Variants in KCNC4 observed in about 807,000 individuals in gnomAD.
KCNC4 encodes potassium voltage-gated channel subfamily C member 4, also known as voltage-gated potassium channel KCNC4.
Under a neutral mutation model 42.8 loss-of-function variants are expected in KCNC4, and 23 were observed. That is an observed-to-expected ratio of 0.54 (90% confidence interval 0.39 to 0.76). KCNC4 has a LOEUF of 0.76. KCNC4 is among the 30% of genes least tolerant of loss of function. KCNC4 has a pLI of 0.00. For synonymous variants in KCNC4, 422 were observed against 393.5 expected (o/e 1.07, Z -0.86); for missense variants, 751 against 898.2 (o/e 0.84, Z 2.10).
In KCNC4 at chr1:110,223,778, G is replaced by A. The variant is rs376704379; in HGVS notation, c.1493G>A (p.Arg498Gln). The change falls in exon 2 of 4, where the codon CGG becomes CAG. Residue 498 changes from arginine (R) to glutamine (Q), a missense_variant. Arg to Gln is a conservative substitution (Grantham distance 43). This residue lies in a region of KCNC4 where 202 missense variants were observed against 181.5 expected (regional missense o/e 1.11). Transcript: ENST00000438661. This position sits in a 1 kb window ranked among gnomAD's most constrained non-coding sequence, Gnocchi z 7.5. The stretch of plus-strand genomic sequence containing the variant: ...AAGAAACGGAAGAAGCACGTGCCAC[G>A]GCCGGCGCAGCTGGAGTCACCCATG... ...LPKKRKKHVP[R>Q]PAQLESPMYC... is the part of the protein sequence containing the mutation. The A allele has an allele frequency of 4.2e-5, 68 of 1,614,012 alleles. No homozygotes were observed. In the African/African-American group the frequency reaches 6.3e-4, roughly 15 times the overall value.
rs183878349 is a variant in KCNC4, at chr1:110,263,646, T to C, written n.31-18888T>C. ...GTGGCCCTTACATAAAGGACTCCAG[T>C]TTAGAGGGTACATTTCATATGGGAG... On this transcript the variant is annotated intron_variant and non_coding_transcript_variant, in intron 1 of 2. Coordinates refer to the KCNC4 transcript ENST00000412512. 2.0e-5 allele frequency among the ~76,000 whole-genome samples: 3 copies of C among 152,152 alleles called. No individual in the cohort carries two copies. In the East Asian group the frequency reaches 5.8e-4, roughly 29 times the overall value.
chr1:110,214,980 G>C lies in KCNC4; in HGVS notation c.678+2803G>C, dbSNP rs929520795. ...CATCCTTCCCAGCCCTGTTCCCCCC[G>C]GTATATGTGCTACCTTCCCTCGCTC... On this transcript the variant is annotated intron_variant, in intron 1 of 3. Transcript: ENST00000438661. Among the ~76,000 whole-genome samples the C allele has an allele frequency of 2.0e-4, 30 of 152,084 alleles. 1 individual carries two copies. The highest frequency in any genetic ancestry group is 2.9e-5 in the Non-Finnish European group (2 of 68,014).
intron 1 of KCNC4, among the ~76,000 whole-genome samples, chr1:110,263,318 T>G (rs1219754327): frequency 6.7e-6 from 1 of 148,498 alleles, no homozygotes; most frequent in Non-Finnish European, 1.5e-5. Context: ...GCATGAGGCA[T>G]GCTTTAAAAA....
At chr1:110,232,295 T>A (rs983180763) in intron 3 of KCNC4, 4 of 1,613,498 alleles carry the variant, frequency 2.5e-6, no homozygotes, top group Non-Finnish European at 3.4e-6. Flanking sequence ...TGGGACTCTG[T>A]TCCTGCCACA....
At chr1:110,253,667 A>G (rs1557871234), downstream of KCNC4, among the ~76,000 whole-genome samples, 1 of 152,184 alleles carries the variant, frequency 6.6e-6, no homozygotes. Flanking sequence ...GCCACAGATA[A>G]TCAACTGTTT....
chr1:110,214,650 C>G (rs1172984033), intron 1 of KCNC4, among the ~76,000 whole-genome samples: 1 of 152,192 alleles, frequency 6.6e-6, no homozygotes, highest in Non-Finnish European at 1.5e-5. Context: ...AGATAGTGGC[C>G]AGGCTTTGAA....
chr1:110,221,759 A>C (rs1571036176), intron 1 of KCNC4: 1 of 152,188 alleles, frequency 6.6e-6, no homozygotes, highest in Admixed American at 6.5e-5. Flanking sequence ...TTACCCACCT[A>C]TTTAGGCTCA....
rs757341867 is a variant in KCNC4, at chr1:110,232,963, C to T, written c.1872C>T (p.Thr624=). The T allele has an allele frequency of 1.2e-5, 20 of 1,610,906 alleles. No individual in the cohort carries two copies. The Admixed American group carries it at 1.7e-4, about 13-fold the overall frequency. The change falls in exon 4 of 4, where the codon ACC becomes ACT. Residue 624 remains threonine (T), a synonymous_variant. Transcript: ENST00000438661. ...SSNYAQAEVL[T]LS The stretch of plus-strand genomic sequence containing the variant: ...ACTATGCCCAGGCTGAAGTCCTCAC[C>T]CTCTCTTAAAGCGGCACCAACGTGA...
chr1:110,217,063 G>A (rs1657836729), intron 1 of KCNC4, among the ~76,000 whole-genome samples: 1 of 152,172 alleles, frequency 6.6e-6, no homozygotes, highest in South Asian at 2.1e-4. Context: ...TACACATGTG[G>A]GGTTCTAGAA....
chr1:110,264,554 T>C (rs923524892), intron 1 of KCNC4, among the ~76,000 whole-genome samples: 54 of 152,084 alleles, frequency 3.6e-4, no homozygotes, highest in Non-Finnish European at 5.9e-4. Flanking sequence ...GAAAAACAAC[T>C]CAGGAACATA....
chr1:110,271,791 C>A (rs936969039), intron 1 of KCNC4, among the ~76,000 whole-genome samples: 1 of 152,124 alleles, frequency 6.6e-6, no homozygotes, highest in Non-Finnish European at 1.5e-5. Context: ...GGGGAGGAGA[C>A]TGTCCCCATC....
intron 3 of KCNC4, among the ~76,000 whole-genome samples, chr1:110,226,835 G>A (rs1018281606): frequency 6.6e-6 from 1 of 152,180 alleles, no homozygotes; most frequent in African/African-American, 2.4e-5. Context: ...TCCTCTGCTT[G>A]TCGGAAAAGG....
At chr1:110,265,544 C>A (rs898858767) in intron 1 of KCNC4, among the ~76,000 whole-genome samples, 1 of 152,168 alleles carries the variant, frequency 6.6e-6, no homozygotes, top group Admixed American at 6.5e-5. Flanking sequence ...CCAGGCAACA[C>A]TGAGGAACTC....
At chr1:110,267,133 G>T (rs1659553262) in intron 1 of KCNC4, among the ~76,000 whole-genome samples, 1 of 152,196 alleles carries the variant, frequency 6.6e-6, no homozygotes, top group South Asian at 2.1e-4. Context: ...TCTGTGTAGG[G>T]TGGGCTTTGC....
chr1:110,258,298 C>T lies in KCNC4; in HGVS notation n.31-24236C>T, dbSNP rs530334602. On this transcript the variant is annotated intron_variant and non_coding_transcript_variant, in intron 1 of 2. Coordinates refer to the KCNC4 transcript ENST00000412512. The stretch of plus-strand genomic sequence containing the variant: ...CTTTTGCCAGGCTGGAGTACAGTGG[C>T]GTGATCTCGGCTCACTGCAACCTCC... Among the ~76,000 whole-genome samples the T allele has an allele frequency of 3.3e-5, 5 of 152,186 alleles. No individual in the cohort carries two copies. The East Asian group carries it at 5.8e-4, about 18-fold the overall frequency.
chr1:110,265,260 C>G (rs1382932336), intron 1 of KCNC4, among the ~76,000 whole-genome samples: 1 of 151,806 alleles, frequency 6.6e-6, no homozygotes, highest in African/African-American at 2.4e-5. Flanking sequence ...TCTTCCTAGG[C>G]TAGAAGCCTC....
In KCNC4 at chr1:110,215,024, G is replaced by A. The variant is rs111430307; in HGVS notation, c.678+2847G>A. Among the ~76,000 whole-genome samples, 17 of 152,346 alleles carry A rather than the reference G, an allele frequency of 1.1e-4. 1 individual carries two copies. Among genetic ancestry groups the A allele is most frequent in the African/African-American group, 3.8e-4 (16 of 41,592 alleles). The stretch of plus-strand genomic sequence containing the variant: ...CTCGCTCACAGCTACCTCCTCCCTG[G>A]AAGGGCCCGCAGCACTGTGGGGTGG... On this transcript the variant is annotated intron_variant, in intron 1 of 3. Transcript: ENST00000438661.
intron 1 of KCNC4, among the ~76,000 whole-genome samples, chr1:110,265,353 TAAATAAAATAAAATAAAATA>T (rs58863489): frequency 0.19 from 22,541 of 121,306 alleles, 2,478 homozygotes; most frequent in Non-Finnish European, 0.23. Flanking sequence ...AAATAAAACA[TAAATAAAATAAAATAAAATA>T]AAATAAAATA....
intron 1 of KCNC4, among the ~76,000 whole-genome samples, chr1:110,257,612 T>G (rs552350463): frequency 1.3e-5 from 2 of 149,298 alleles, no homozygotes; most frequent in Non-Finnish European, 3.0e-5. Context: ...TCCCAGCTAC[T>G]CGGGAGGCTG....
Sources: allele counts gnomAD v4.1 joint callset (sites outside exome capture counted in the v4.1 genomes callset), GRCh38; gene constraint gnomAD v4.1.1; regional missense constraint gnomAD v4.1.1; non-coding constraint Gnocchi (gnomAD v3.1); transcripts MANE v1.5; gene names NCBI Gene and HGNC (gene_info 2026-07-23, HGNC 2026-07-21).